The following LPAR1 variants were observed in gnomAD, a reference collection of about 807,000 sequenced individuals.
LPAR1 encodes the protein LPA receptor 1.
A neutral mutation model predicts 23.8 loss-of-function variants in LPAR1; 5 were observed. The ratio of observed to expected loss-of-function variants is 0.21; its 90% CI spans 0.11 to 0.44. LPAR1 has a LOEUF of 0.44. Ranked by LOEUF, LPAR1 falls within the 20% of genes least tolerant of loss-of-function variation. The probability of loss-of-function intolerance (pLI) is 0.99; values close to 1 mark genes in which losing one functional copy is unlikely to be tolerated. For synonymous variants in LPAR1, 160 were observed against 164.7 expected, an observed-to-expected ratio of 0.97 and a Z score of 0.22; for missense variants, 311 against 482.8, an observed-to-expected ratio of 0.64 and a Z score of 3.33.
intron 2 of LPAR1, among the ~76,000 whole-genome samples, chr9:110,981,045 T>C (rs7848394): frequency 0.27 from 41,247 of 151,940 alleles, 5,729 homozygotes; most frequent in African/African-American, 0.34. Flanking sequence ...ATTTAGCTGT[T>C]TTGTCCTTAA....
chr9:110,877,599 AGGATGGAAAATGCTT>A (rs2079459883), intron 5 of LPAR1, among the ~76,000 whole-genome samples: 1 of 152,222 alleles, frequency 6.6e-6, no homozygotes, highest in South Asian at 2.1e-4. Context: ...AATTATTCTC[AGGATGGAAAATGCTT>A]GGATGGAAAA....
intron 2 of LPAR1, among the ~76,000 whole-genome samples, chr9:110,979,123 A>G (rs2096617459): frequency 6.6e-6 from 1 of 152,142 alleles, no homozygotes; most frequent in African/African-American, 2.4e-5. Context: ...TGGCTATGTG[A>G]GGTAATGCAT....
At chr9:111,026,356 G>C (rs971337006) in intron 2 of LPAR1, among the ~76,000 whole-genome samples, 4 of 152,190 alleles carry the variant, frequency 2.6e-5, no homozygotes, top group African/African-American at 9.6e-5. Flanking sequence ...AGGAATGCTT[G>C]TGATTTTTGC....
At chr9:110,926,095 T>C (rs984114381) in intron 5 of LPAR1, among the ~76,000 whole-genome samples, 1 of 152,178 alleles carries the variant, frequency 6.6e-6, no homozygotes, top group Non-Finnish European at 1.5e-5. Flanking sequence ...TAATTTTTTG[T>C]ATTTTTAGTA....
At chr9:110,976,336 C>A (rs947611117) in intron 2 of LPAR1, among the ~76,000 whole-genome samples, 248 of 126,496 alleles carry the variant, frequency 2.0e-3, no homozygotes, top group East Asian at 5.3e-3. Flanking sequence ...ACTAAAAATA[C>A]AAAAAAAAAA....
chr9:110,900,275 C>A (rs960012874), intron 5 of LPAR1, among the ~76,000 whole-genome samples: 1 of 152,130 alleles, frequency 6.6e-6, no homozygotes, highest in African/African-American at 2.4e-5. Context: ...TGCTCATGGA[C>A]CCTTCCTCTT....
chr9:111,025,017 C>T (rs537730375), intron 2 of LPAR1, among the ~76,000 whole-genome samples: 41 of 152,266 alleles, frequency 2.7e-4, no homozygotes, highest in African/African-American at 8.9e-4. Context: ...CATACGTGTG[C>T]ATGTGTCTTT....
chr9:110,908,210 A>C, intron 5 of LPAR1, among the ~76,000 whole-genome samples: 1 of 151,366 alleles, frequency 6.6e-6, no homozygotes, highest in South Asian at 2.1e-4. Context: ...AAATGTTTAT[A>C]AATAGTAAGC....
At chr9:110,987,688 AT>A (rs2096815229) in intron 2 of LPAR1, among the ~76,000 whole-genome samples, 1 of 151,650 alleles carries the variant, frequency 6.6e-6, no homozygotes, top group Non-Finnish European at 1.5e-5. Flanking sequence ...ATATATATAT[AT>A]AAAGTTGGCC....
In LPAR1 at chr9:110,875,180, G is replaced by A. The variant is rs549990436; in HGVS notation, c.*241C>T. On this transcript the variant is annotated 3_prime_UTR_variant, in exon 6 of 6. Transcript: ENST00000683809. ...AGTCTGTTCTTGAATTCCATTGCAAGAGCTCCAACTTCCTACTTTCAGAAG... is the reference window on the plus strand; with the variant it reads ...AGTCTGTTCTTGAATTCCATTGCAAAAGCTCCAACTTCCTACTTTCAGAAG... The A allele has an allele frequency of 4.8e-6, 2 of 417,616 alleles. No individual in the cohort carries two copies. Among genetic ancestry groups the A allele is most frequent in the Admixed American group, 4.0e-5 (1 of 25,102 alleles). The allele number at this position is 417,616 out of a possible 1,614,324, so 25.9% of individuals were successfully genotyped here.
intron 4 of LPAR1, among the ~76,000 whole-genome samples, chr9:110,955,173 T>A (rs1190393894): frequency 3.9e-5 from 6 of 152,212 alleles, no homozygotes; most frequent in Non-Finnish European, 8.8e-5. Context: ...GATCCAACTA[T>A]ACTGTTACCC....
At chr9:110,923,374 G>A (rs541246453) in intron 5 of LPAR1, among the ~76,000 whole-genome samples, 31 of 152,042 alleles carry the variant, frequency 2.0e-4, no homozygotes, top group Non-Finnish European at 4.4e-4. Context: ...CTTAGAAACT[G>A]TACTTTGGGT....
chr9:110,880,559 A>G (rs1460495798), intron 5 of LPAR1, among the ~76,000 whole-genome samples: 1 of 152,240 alleles, frequency 6.6e-6, no homozygotes, highest in Non-Finnish European at 1.5e-5. Flanking sequence ...AAAAACACAG[A>G]AAGCGTTTCT....
chr9:110,878,946 G>T (rs1012142804), intron 5 of LPAR1, among the ~76,000 whole-genome samples: 6 of 152,162 alleles, frequency 3.9e-5, no homozygotes, highest in Admixed American at 6.5e-5. Flanking sequence ...ACATAGGGAA[G>T]CAAATCATTT....
intron 4 of LPAR1, among the ~76,000 whole-genome samples, chr9:110,943,303 T>C (rs2095241274): frequency 6.6e-6 from 1 of 151,934 alleles, no homozygotes; most frequent in East Asian, 1.9e-4. Flanking sequence ...TTCATTTTTA[T>C]TTTGCTTTGA....
At chr9:110,984,150 T>A (rs1303894443) in intron 2 of LPAR1, among the ~76,000 whole-genome samples, 1 of 151,970 alleles carries the variant, frequency 6.6e-6, no homozygotes, top group Non-Finnish European at 1.5e-5. Context: ...TTAACTATTA[T>A]AAAATGTACA....
At chr9:110,892,006 C>T (rs2084326569) in intron 5 of LPAR1, among the ~76,000 whole-genome samples, 1 of 152,188 alleles carries the variant, frequency 6.6e-6, no homozygotes, top group Non-Finnish European at 1.5e-5. Context: ...TAAACATTCA[C>T]ATATCATATG....
chr9:111,016,169 T>C (rs1252492760), intron 2 of LPAR1, among the ~76,000 whole-genome samples: 1 of 152,134 alleles, frequency 6.6e-6, no homozygotes, highest in Non-Finnish European at 1.5e-5. Flanking sequence ...ATGGGTCCTA[T>C]TCCCCACCCA....
At chr9:110,970,482 TA>T (rs1326885717) in intron 4 of LPAR1, among the ~76,000 whole-genome samples, 10 of 152,278 alleles carry the variant, frequency 6.6e-5, no homozygotes, top group African/African-American at 2.4e-4. Flanking sequence ...ATGACGATGG[TA>T]ACACTAAACA....
Sources: allele counts gnomAD v4.1 joint callset (sites outside exome capture counted in the v4.1 genomes callset), GRCh38; gene constraint gnomAD v4.1.1; transcripts MANE v1.5; gene names NCBI Gene and HGNC (gene_info 2026-07-23, HGNC 2026-07-21).